CHM: variants seen among roughly 807,000 people sequenced by gnomAD.
The protein encoded by CHM is CHM Rab escort protein.
A neutral mutation model predicts 49.0 loss-of-function variants in CHM; 10 were observed. The ratio of observed to expected loss-of-function variants is 0.20; its 90% CI spans 0.13 to 0.35. The LOEUF is 0.35. CHM is among the 10% of genes least tolerant of loss of function. The probability of loss-of-function intolerance (pLI) is 1.00; values close to 1 mark genes in which losing one functional copy is unlikely to be tolerated. For missense variants in CHM, 455 were observed against 478.4 expected (o/e 0.95, Z 0.46); for synonymous variants, 184 against 167.5 (o/e 1.10, Z -0.76).
chrX:86,034,923 C>T (rs955768296), intron 1 of CHM, among the ~76,000 whole-genome samples: 2 of 112,345 alleles, frequency 1.8e-5, no homozygotes, highest in Non-Finnish European at 3.8e-5. Context: ...ATTCTGAGAA[C>T]AGCAGCAGAA....
intron 4 of CHM, chrX:85,971,601 G>GCAGC (rs918757520): frequency 3.1e-5 from 9 of 293,510 alleles, no homozygotes; most frequent in Non-Finnish European, 5.3e-5. Flanking sequence ...AGACCGAGCA[G>GCAGC]CAGCAAGATT....
chrX:85,953,326 T>C (rs1286609837), intron 8 of CHM, among the ~76,000 whole-genome samples: 1 of 111,473 alleles, frequency 9.0e-6, no homozygotes, highest in Non-Finnish European at 1.9e-5. Context: ...GAAGAATCAA[T>C]ATTGTTAAAA....
Position 86,008,028 on chromosome X carries a change from C to A in CHM, c.116+19463G>T, listed in dbSNP as rs1034766936. Among the ~76,000 whole-genome samples the A allele has an allele frequency of 1.1e-3, 123 of 111,990 alleles. 1 individual carries two copies. Among genetic ancestry groups the A allele is most frequent in the Non-Finnish European group, 1.7e-3 (89 of 53,198 alleles). On this transcript the variant is annotated intron_variant, in intron 2 of 14. Coordinates refer to ENST00000357749, the MANE Select transcript of CHM (RefSeq NM_000390.4). ...CACCCAAATGTCCAACAATGACAGA[C>A]TGGATTAAGAAAATGTGGCACATAT...
intron 8 of CHM, among the ~76,000 whole-genome samples, chrX:85,924,540 C>A (rs756484454): frequency 6.4e-4 from 72 of 111,671 alleles, no homozygotes; most frequent in African/African-American, 2.2e-3. Flanking sequence ...TTAGAGACAG[C>A]AAATTGTTAC....
chrX:86,044,837 C>T lies in CHM; in HGVS notation c.49+2647G>A, dbSNP rs749061177. On this transcript the variant is annotated intron_variant, in intron 1 of 14. Coordinates refer to ENST00000357749, the MANE Select transcript of CHM (RefSeq NM_000390.4). Reference sequence around the variant, plus strand: ...TTTATTCCATTTTCTTCTATTTTTTCCGCAATTCCACTTTAGCTTACTCTT... The same window carrying T: ...TTTATTCCATTTTCTTCTATTTTTTTCGCAATTCCACTTTAGCTTACTCTT... Among the ~76,000 whole-genome samples the T allele has an allele frequency of 4.5e-5, 5 of 111,785 alleles. No individual in the cohort carries two copies. The South Asian group carries it at 1.9e-3, about 42-fold the overall frequency.
At chrX:85,950,009 A>ATATC (rs1569422903) in intron 8 of CHM, among the ~76,000 whole-genome samples, 1 of 81,299 alleles carries the variant, frequency 1.2e-5, no homozygotes. Flanking sequence ...ATATATATAT[A>ATATC]TCTTGTAATG....
chrX:85,883,135 T>A (rs192138322), intron 12 of CHM, among the ~76,000 whole-genome samples: 43 of 111,615 alleles, frequency 3.9e-4, no homozygotes, highest in African/African-American at 1.3e-3. Flanking sequence ...AGGTAGGAAA[T>A]CTATTCCTCA....
intron 8 of CHM, among the ~76,000 whole-genome samples, chrX:85,919,248 C>T (rs5967647): frequency 1.8e-5 from 2 of 110,778 alleles, no homozygotes; most frequent in Non-Finnish European, 3.8e-5. Flanking sequence ...AAGGTTAAAA[C>T]TATATACAGG....
chrX:86,041,723 T>C (rs1934465924), intron 1 of CHM, among the ~76,000 whole-genome samples: 1 of 47,178 alleles, frequency 2.1e-5, no homozygotes, highest in Non-Finnish European at 3.4e-5. Context: ...ATATGGTGTG[T>C]GTGTATATAT....
At chrX:85,953,898 C>T (rs997964313) in intron 8 of CHM, among the ~76,000 whole-genome samples, 41 of 111,567 alleles carry the variant, frequency 3.7e-4, no homozygotes, top group African/African-American at 1.3e-3. Flanking sequence ...CAAGCACAGG[C>T]GACTAAAGCA....
At chrX:85,989,735 G>GAA (rs146124409) in intron 2 of CHM, among the ~76,000 whole-genome samples, 4 of 109,858 alleles carry the variant, frequency 3.6e-5, no homozygotes, top group Middle Eastern at 4.7e-3. Flanking sequence ...ATAGCATATG[G>GAA]AAAAAAAACT....
chrX:85,870,199 T>A (rs1187741930), intron 14 of CHM, among the ~76,000 whole-genome samples: 1 of 111,979 alleles, frequency 8.9e-6, no homozygotes, highest in African/African-American at 3.2e-5. Context: ...CTCATAAGAT[T>A]GTTTTGAGGA....
intron 2 of CHM, among the ~76,000 whole-genome samples, chrX:85,986,450 T>C (rs1270060800): frequency 9.0e-6 from 1 of 111,344 alleles, no homozygotes; most frequent in Non-Finnish European, 1.9e-5. Context: ...TGGCTGCAAC[T>C]GTGAGGAAAC....
At chrX:85,913,348 G>GAAAGAAAGAAAGAAAGAAAGAAAGAAAA (rs1927223231) in intron 8 of CHM, among the ~76,000 whole-genome samples, 1 of 58,044 alleles carries the variant, frequency 1.7e-5, no homozygotes, top group Admixed American at 1.9e-4. Context: ...AAGAAAGAAA[G>GAAAGAAAGAAAGAAAGAAAGAAAGAAAA]AAAGAAAGAA....
chrX:85,988,439 G>A (rs1315740576), intron 2 of CHM, among the ~76,000 whole-genome samples: 1 of 111,588 alleles, frequency 9.0e-6, no homozygotes, highest in Admixed American at 9.5e-5. Context: ...TTGAAAACTG[G>A]CACAAGACAA....
intron 2 of CHM, among the ~76,000 whole-genome samples, chrX:86,002,116 A>G (rs1387571841): frequency 8.9e-6 from 1 of 112,019 alleles, no homozygotes; most frequent in Non-Finnish European, 1.9e-5. Flanking sequence ...AACTATGAGC[A>G]AAGATGATAT....
intron 1 of CHM, among the ~76,000 whole-genome samples, chrX:86,045,398 T>C (rs1049981963): frequency 1.8e-5 from 2 of 112,225 alleles, no homozygotes; most frequent in Non-Finnish European, 3.8e-5. Flanking sequence ...TTTTACACTT[T>C]TGATGTACCT....
At chrX:85,912,833 G>A (rs1208325898) in intron 8 of CHM, among the ~76,000 whole-genome samples, 1 of 108,427 alleles carries the variant, frequency 9.2e-6, no homozygotes, top group Admixed American at 9.9e-5. Flanking sequence ...GGCTAACATG[G>A]TGAAACCCCG....
At chrX:85,940,977 C>T (rs1453015105) in intron 8 of CHM, among the ~76,000 whole-genome samples, 1 of 111,615 alleles carries the variant, frequency 9.0e-6, no homozygotes, top group African/African-American at 3.3e-5. Context: ...TCCATAAGTG[C>T]ATACCATCTG....
Sources: gnomAD v4.1 joint callset for allele counts (sites outside exome capture counted in the v4.1 genomes callset) on GRCh38, gnomAD v4.1.1 for gene constraint, MANE v1.5 for transcripts, NCBI Gene and HGNC (gene_info 2026-07-23, HGNC 2026-07-21) for gene names.